The following LZTFL1 variants were observed in gnomAD, a reference collection of about 807,000 sequenced individuals.
LZTFL1 encodes the protein leucine zipper transcription factor-like protein 1.
LZTFL1 carries 25 observed loss-of-function variants against 45.9 expected under a neutral mutation model. That is an observed-to-expected ratio of 0.54 (90% CI 0.40 to 0.76). LZTFL1 has a LOEUF of 0.76. Ranked by LOEUF, LZTFL1 falls within the 30% of genes least tolerant of loss-of-function variation. The pLI, the probability that LZTFL1 is intolerant of heterozygous loss-of-function variation, is 0.00. For missense variants in LZTFL1, 277 were observed against 331.1 expected (o/e 0.84, Z 1.27); for synonymous variants, 93 against 117.4 (o/e 0.79, Z 1.35).
At chr3:45,838,538 A>G (rs1413942408) in intron 1 of LZTFL1, among the ~76,000 whole-genome samples, 1 of 152,254 alleles carries the variant, frequency 6.6e-6, no homozygotes, top group Non-Finnish European at 1.5e-5. Context: ...TTAACCTTAC[A>G]GCAAAAAACA....
At chr3:45,890,565 C>G (rs771454769) in intron 2 of LZTFL1, among the ~76,000 whole-genome samples, 25 of 151,090 alleles carry the variant, frequency 1.7e-4, no homozygotes, top group Admixed American at 8.7e-4. Context: ...TATTTCAAAA[C>G]AGAGGCTCAC....
intron 2 of LZTFL1, among the ~76,000 whole-genome samples, chr3:45,905,955 C>A (rs919305285): frequency 6.6e-6 from 1 of 152,160 alleles, no homozygotes; most frequent in African/African-American, 2.4e-5. Flanking sequence ...CTTTGTGAAG[C>A]CTTCATGGCA....
chr3:45,832,667 T>C (rs1700859409), intron 5 of LZTFL1: 1 of 157,354 alleles, frequency 6.4e-6, no homozygotes, highest in Non-Finnish European at 1.4e-5. Flanking sequence ...GTTCAAGCAA[T>C]TCTCCTGCCT....
At chr3:45,844,266 T>C (rs1404567213), upstream of LZTFL1, among the ~76,000 whole-genome samples, 1 of 151,992 alleles carries the variant, frequency 6.6e-6, no homozygotes, top group East Asian at 1.9e-4. Context: ...AGAACCCCTG[T>C]TGTGTGCAAG....
At position 45,824,280 on chromosome 3, in the gene LZTFL1, TTAAATTAGA is replaced by T. The variant is rs1219533573; in HGVS notation, c.*2025_*2033del. Reference sequence around the variant, plus strand: ...ATATGAAAAAGGCTTTCTTTCTCAGTTAAATTAGATAAGTCTTAAAGTTGGGAAACTACT... The same window carrying T: ...ATATGAAAAAGGCTTTCTTTCTCAGTTAAGTCTTAAAGTTGGGAAACTACT... On this transcript the variant is annotated 3_prime_UTR_variant, in exon 10 of 10. Transcript: ENST00000296135. The T allele has an allele frequency of 1.3e-5, 2 of 152,088 alleles. No homozygotes were observed. The highest frequency in any genetic ancestry group is 2.9e-5 in the Non-Finnish European group (2 of 68,022). 9.4% of individuals were successfully genotyped at this position (152,088 alleles called of 1,614,324 possible). A position where few individuals can be genotyped will look rare whatever the true frequency, so the allele number is the denominator to read the frequency against.
chr3:45,880,160 G>A (rs145308920), intron 2 of LZTFL1, among the ~76,000 whole-genome samples: 163 of 152,268 alleles, frequency 1.1e-3, no homozygotes, highest in Non-Finnish European at 1.6e-3. Context: ...AGAACCAAAG[G>A]TTTTGCTGTT....
chr3:45,874,382 A>T (rs923841891), intron 2 of LZTFL1, among the ~76,000 whole-genome samples: 1 of 152,180 alleles, frequency 6.6e-6, no homozygotes, highest in African/African-American at 2.4e-5. Flanking sequence ...ATATATGACC[A>T]TGCAACAGGT....
intron 7 of LZTFL1, among the ~76,000 whole-genome samples, chr3:45,828,898 C>G (rs1207295375): frequency 6.6e-6 from 1 of 152,048 alleles, no homozygotes. Context: ...GTATTTCCAT[C>G]CAAGATGTGT....
At chr3:45,852,656 G>A (rs1701326447) in intron 4 of LZTFL1, among the ~76,000 whole-genome samples, 1 of 152,218 alleles carries the variant, frequency 6.6e-6, no homozygotes, top group South Asian at 2.1e-4. Context: ...CAAAATGTGG[G>A]AAGAGGTGCT....
At chr3:45,893,769 A>T (rs1304568446) in intron 2 of LZTFL1, among the ~76,000 whole-genome samples, 1 of 152,220 alleles carries the variant, frequency 6.6e-6, no homozygotes, top group Non-Finnish European at 1.5e-5. Context: ...ACTAGTCTTT[A>T]TGGGGACATA....
Position 45,825,175 on chromosome 3 carries a change from T to C in LZTFL1, c.*1139A>G, listed in dbSNP as rs1010487605. ...TTTGTGGAAATGGAATGATGTCTCT[T>C]AGTAGACAGTGTTCATTTAGGGTGT... On this transcript the variant is annotated 3_prime_UTR_variant, in exon 10 of 10. Transcript: ENST00000296135. The C allele has an allele frequency of 3.1e-6, 1 of 319,298 alleles. No individual in the cohort carries two copies. The highest frequency in any genetic ancestry group is 4.9e-5 in the Admixed American group (1 of 20,452). 19.8% of individuals were successfully genotyped at this position (319,298 alleles called of 1,614,324 possible). A position where few individuals can be genotyped will look rare whatever the true frequency, so the allele number is the denominator to read the frequency against.
intron 4 of LZTFL1, among the ~76,000 whole-genome samples, chr3:45,833,596 T>G (rs1700888842): frequency 6.6e-6 from 1 of 152,180 alleles, no homozygotes; most frequent in South Asian, 2.1e-4. Context: ...ATATAGTAGT[T>G]TAGTAATATA....
chr3:45,846,203 C>T (rs1463856284), upstream of LZTFL1, among the ~76,000 whole-genome samples: 1 of 152,138 alleles, frequency 6.6e-6, no homozygotes, highest in Non-Finnish European at 1.5e-5. Context: ...TCAGCTATCC[C>T]TGTTTCCCAT....
chr3:45,841,747 C>T, intron 1 of LZTFL1: 1 of 589,138 alleles, frequency 1.7e-6, no homozygotes, highest in East Asian at 2.8e-5. Flanking sequence ...AGGAGAGAAA[C>T]GAAGCGATGC....
intron 2 of LZTFL1, among the ~76,000 whole-genome samples, chr3:45,912,097 C>T (rs1372314651): frequency 6.6e-6 from 1 of 152,236 alleles, no homozygotes; most frequent in Non-Finnish European, 1.5e-5. Flanking sequence ...GTCACATAGT[C>T]TCCCAGGGTG....
chr3:45,862,780 A>G (rs1701511311), intron 2 of LZTFL1, among the ~76,000 whole-genome samples: 1 of 152,282 alleles, frequency 6.6e-6, no homozygotes, highest in African/African-American at 2.4e-5. Flanking sequence ...GCTGACAACC[A>G]GTACTGAGAA....
chr3:45,882,229 T>C (rs920842853), intron 2 of LZTFL1, among the ~76,000 whole-genome samples: 5 of 152,218 alleles, frequency 3.3e-5, no homozygotes, highest in Non-Finnish European at 5.9e-5. Context: ...CCTTTCCTCA[T>C]GGATTAGTGG....
In LZTFL1 at chr3:45,826,102, A is replaced by C; in HGVS notation, c.*212T>G. 1 of 544,614 alleles carries C rather than the reference A, an allele frequency of 1.8e-6. No homozygotes were observed. The highest frequency in any genetic ancestry group is 3.3e-6 in the Non-Finnish European group (1 of 307,408). The allele number at this position is 544,614 out of a possible 1,614,324, so 33.7% of individuals were successfully genotyped here. ...TGTGAGCTAAGACTCTGGAGCACTC[A>C]GTAGAGAGGTGTGTGGGATGACCAG... On this transcript the variant is annotated 3_prime_UTR_variant, in exon 10 of 10. Transcript: ENST00000296135.
chr3:45,886,450 CTCCCCACCCTCTTGGGCT>C (rs1701983371), intron 2 of LZTFL1: 1 of 152,264 alleles, frequency 6.6e-6, no homozygotes, highest in Admixed American at 6.5e-5. Context: ...ACACAGGTGA[CTCCCCACCCTCTTGGGCT>C]ACCCCACCAG....
Sources: allele counts gnomAD v4.1 joint callset (sites outside exome capture counted in the v4.1 genomes callset), GRCh38; gene constraint gnomAD v4.1.1; transcripts MANE v1.5; gene names NCBI Gene and HGNC (gene_info 2026-07-23, HGNC 2026-07-21).